Variants in BEND7 observed in about 807,000 individuals in gnomAD.
BEND7 encodes the protein BEN domain-containing protein 7.
Under a neutral mutation model 50.9 loss-of-function variants are expected in BEND7, and 28 were observed. The observed-to-expected ratio is 0.55, with a 90% CI of 0.41 to 0.75. The LOEUF is 0.75. Among genes scored for constraint, BEND7 ranks in the 30% least tolerant of loss-of-function variants. BEND7 has a pLI of 0.00. For synonymous variants in BEND7, 170 were observed against 183.9 expected (o/e 0.92, Z 0.61); for missense variants, 477 against 491.3 (o/e 0.97, Z 0.28).
chr10:13,518,931 G>A lies in BEND7; in HGVS notation c.145+7207C>T, dbSNP rs575544219. 1.4e-4 allele frequency among the ~76,000 whole-genome samples: 21 copies of A among 152,272 alleles called. No individual in the cohort carries two copies. The South Asian group carries it at 4.2e-3, about 30-fold the overall frequency. ...TACAGCATTGTGCTAGGTTCTCAAA[G>A]GATCCAAAATGAACTCAGGTCACAT... On this transcript the variant is annotated intron_variant, in intron 2 of 8. Coordinates refer to ENST00000466271, the MANE Select transcript of BEND7 (RefSeq NM_001369863.1).
At position 13,452,544 on chromosome 10, in the gene BEND7, C is replaced by A. The variant is rs769479842; in HGVS notation, c.1178G>T (p.Gly393Val). Residue 393 changes from glycine to valine, a missense_variant, in exon 7 of 9, where the codon GGC (glycine) becomes GTC (valine). Around this residue, in one of 3 missense-constraint regions of BEND7, gnomAD observed 64 missense variants for 68.5 expected, o/e 0.93. Transcript: ENST00000466271. ...IKLARRRLKRGSEIADSDERL... is the reference protein window; with the variant it reads ...IKLARRRLKRVSEIADSDERL... Reference sequence around the variant, plus strand: ...TTTCTGCACCTTAGTCATACCTGAGCCTCTTTTTAACCTTCTTCTGGCCAG... The same window carrying A: ...TTTCTGCACCTTAGTCATACCTGAGACTCTTTTTAACCTTCTTCTGGCCAG... 1 of 1,607,820 alleles carries A rather than the reference C, an allele frequency of 6.2e-7. No homozygotes were observed. The highest frequency in any genetic ancestry group is 8.5e-7 in the Non-Finnish European group (1 of 1,177,974).
At chr10:13,499,036 T>C (rs899945227) in intron 3 of BEND7, among the ~76,000 whole-genome samples, 63 of 152,232 alleles carry the variant, frequency 4.1e-4, no homozygotes, top group Non-Finnish European at 1.0e-4. Context: ...TTTTTCTTGT[T>C]CTCTTTGTGA....
intron 7 of BEND7, among the ~76,000 whole-genome samples, chr10:13,449,377 C>T (rs546739781): frequency 1.3e-3 from 199 of 152,246 alleles, no homozygotes; most frequent in African/African-American, 4.5e-3. Context: ...TGCAGTGTGT[C>T]GCTGAACCCT....
chr10:13,496,846 C>T lies in BEND7; in HGVS notation c.491G>A (p.Cys164Tyr). The T allele has an allele frequency of 1.2e-6, 2 of 1,605,636 alleles. No homozygotes were observed. Among genetic ancestry groups the T allele is most frequent in the Non-Finnish European group, 1.7e-6 (2 of 1,177,228 alleles). ...VVNSSAGSNC[C>Y]TCNCQSTLQA... is the part of the protein sequence containing the mutation. ...CAACGTTGACTGGCAGTTACAAGTACAGCAGTTTGATCCAGCTGATGAATT... is the reference window on the plus strand; with the variant it reads ...CAACGTTGACTGGCAGTTACAAGTATAGCAGTTTGATCCAGCTGATGAATT... Residue 164 changes from cysteine to tyrosine, a missense_variant, in exon 4 of 9, where the codon TGT becomes TAT. Coordinates refer to ENST00000466271, the MANE Select transcript of BEND7 (RefSeq NM_001369863.1).
intron 2 of BEND7, among the ~76,000 whole-genome samples, chr10:13,505,412 C>A (rs2077801382): frequency 1.3e-5 from 2 of 152,312 alleles, no homozygotes; most frequent in South Asian, 4.1e-4. Context: ...CTACAGGAAA[C>A]CTGTGTGGAT....
In BEND7 at chr10:13,441,297, A is replaced by AT. The variant is rs141062105; in HGVS notation, c.*445dup. The AT allele has an allele frequency of 0.012, 10,582 of 893,474 alleles. 463 individuals carry two copies. In the African/African-American group the frequency reaches 0.14, roughly 12 times the overall value. The allele number at this position is 893,474 out of a possible 1,614,324, so 55.3% of individuals were successfully genotyped here. A position where few individuals can be genotyped will look rare whatever the true frequency, so the allele number is the denominator to read the frequency against. ...ATTGAGACATTATCCATAGATATGGATTTTTTTTTTGCTAAGAAAGCCTAT... is the reference window on the plus strand; with the variant it reads ...ATTGAGACATTATCCATAGATATGGATTTTTTTTTTTGCTAAGAAAGCCTAT... On this transcript the variant is annotated 3_prime_UTR_variant, in exon 9 of 9. Transcript: ENST00000466271.
chr10:13,472,442 T>C (rs2074962810), intron 6 of BEND7, among the ~76,000 whole-genome samples: 1 of 152,018 alleles, frequency 6.6e-6, no homozygotes. Flanking sequence ...CTGATATCTG[T>C]CATCGCTGTT....
intron 2 of BEND7, among the ~76,000 whole-genome samples, chr10:13,518,954 C>T (rs2078890688): frequency 6.6e-6 from 1 of 152,188 alleles, no homozygotes; most frequent in African/African-American, 2.4e-5. Flanking sequence ...ACTCAGGTCA[C>T]ATTTGCCCTC....
chr10:13,441,630 T>G lies in BEND7; in HGVS notation c.*113A>C. 6.3e-7 allele frequency: 1 copy of G among 1,578,838 alleles called. No individual in the cohort carries two copies. Among genetic ancestry groups the G allele is most frequent in the Non-Finnish European group, 8.6e-7 (1 of 1,164,532 alleles). ...CATCCTATTTTAACACGGCGAAAGGTCACCAATTAATCTTCTCCCTTCCCT... is the reference window on the plus strand; with the variant it reads ...CATCCTATTTTAACACGGCGAAAGGGCACCAATTAATCTTCTCCCTTCCCT... On this transcript the variant is annotated 3_prime_UTR_variant, in exon 9 of 9. Transcript: ENST00000466271.
intron 6 of BEND7, among the ~76,000 whole-genome samples, chr10:13,471,783 T>G (rs2074857133): frequency 6.6e-6 from 1 of 152,236 alleles, no homozygotes; most frequent in Non-Finnish European, 1.5e-5. Context: ...ACCAGGTGCT[T>G]GACAGAAACA....
intron 8 of BEND7, 66 bp downstream of exon 8, chr10:13,447,200 A>AG (rs1836544153): frequency 1.3e-6 from 2 of 1,530,706 alleles, no homozygotes; most frequent in Non-Finnish European, 8.9e-7. Context: ...AATCGTTTTC[A>AG]ATGCAAATAG....
chr10:13,450,427 T>A (rs1837412870), intron 7 of BEND7, among the ~76,000 whole-genome samples: 2 of 152,208 alleles, frequency 1.3e-5, no homozygotes, highest in South Asian at 4.1e-4. Flanking sequence ...TGGAAGGAAA[T>A]ACAAGTGGTT....
At chr10:13,451,229 A>G (rs1445373182) in intron 7 of BEND7, among the ~76,000 whole-genome samples, 1 of 149,780 alleles carries the variant, frequency 6.7e-6, no homozygotes, top group African/African-American at 2.5e-5. Flanking sequence ...TCGCTCTGTC[A>G]CCCAGACTGT....
chr10:13,441,942 C>G (rs1835388844), intron 8 of BEND7, 192 bp from the exon 9 acceptor site: 1 of 611,316 alleles, frequency 1.6e-6, no homozygotes, highest in Admixed American at 3.0e-5. Context: ...ACAAGCCACG[C>G]CTAAAGCCAG....
intron 2 of BEND7, among the ~76,000 whole-genome samples, chr10:13,513,862 G>A (rs1589036436): frequency 6.6e-6 from 1 of 152,196 alleles, no homozygotes; most frequent in East Asian, 1.9e-4. Flanking sequence ...TTCTATGGTG[G>A]CATCTGGCTC....
chr10:13,519,762 G>C (rs2078956757), intron 2 of BEND7, among the ~76,000 whole-genome samples: 1 of 152,206 alleles, frequency 6.6e-6, no homozygotes. Context: ...TGTAAACTGA[G>C]GCGGCTTACA....
At chr10:13,454,434 C>A (rs1436936412) in intron 6 of BEND7, among the ~76,000 whole-genome samples, 1 of 138,480 alleles carries the variant, frequency 7.2e-6, no homozygotes, top group South Asian at 2.4e-4. Flanking sequence ...CAGTGAGACC[C>A]TGTCTCAATC....
chr10:13,454,479 G>A (rs7079554), intron 6 of BEND7, among the ~76,000 whole-genome samples: 43,755 of 151,912 alleles, frequency 0.29, 8,197 homozygotes, highest in East Asian at 0.68. Context: ...AGTAATCCGG[G>A]AGTGGTGGTG....
intron 8 of BEND7, chr10:13,445,198 T>G (rs1375646974): frequency 6.6e-6 from 1 of 152,190 alleles, no homozygotes. Context: ...ATCAATAGTT[T>G]AATGAAAAGA....
Sources: gnomAD v4.1 joint callset for allele counts (sites outside exome capture counted in the v4.1 genomes callset) on GRCh38, gnomAD v4.1.1 for gene constraint, gnomAD v4.1.1 regional missense constraint, MANE v1.5 for transcripts, NCBI Gene and HGNC (gene_info 2026-07-23, HGNC 2026-07-21) for gene names.